GEMIN8: variants seen among roughly 807,000 people sequenced by gnomAD.
GEMIN8 encodes the protein gem-associated protein 8.
For missense variants in GEMIN8, 185 were observed against 205.9 expected (o/e 0.90, Z 0.62); for synonymous variants, 80 against 78.5 (o/e 1.02, Z -0.10).
chrX:14,011,800 G>A (rs1009245772), intron 4 of GEMIN8, among the ~76,000 whole-genome samples: 1 of 110,883 alleles, frequency 9.0e-6, no homozygotes, highest in Non-Finnish European at 1.9e-5. Context: ...ATTCTCTGTC[G>A]GTAGGATGTT....
At chrX:13,986,325 A>G in the GEMIN8 span, among the ~76,000 whole-genome samples, 1 of 112,399 alleles carries the variant, frequency 8.9e-6, no homozygotes, top group East Asian at 2.8e-4. Context: ...TGTGTATCAG[A>G]AAGGATTAGC....
the GEMIN8 span, among the ~76,000 whole-genome samples, chrX:13,998,978 A>C: frequency 1.8e-5 from 2 of 112,281 alleles, no homozygotes; most frequent in African/African-American, 6.5e-5. Context: ...GGCTTTGTAA[A>C]GTCTTTTTTT....
chrX:13,998,571 A>AT, the GEMIN8 span, among the ~76,000 whole-genome samples: 6 of 110,712 alleles, frequency 5.4e-5, no homozygotes, highest in Non-Finnish European at 9.5e-5. Flanking sequence ...AATTAAACAT[A>AT]TTTTTTTTAA....
chrX:14,026,523 C>G (rs908035940), intron 1 of GEMIN8: 15 of 212,495 alleles, frequency 7.1e-5, no homozygotes, highest in Non-Finnish European at 1.0e-4. Flanking sequence ...ATCTGCTCAT[C>G]CTGCAGGATC....
At chrX:14,022,613 A>G (rs1207678487) in intron 2 of GEMIN8, among the ~76,000 whole-genome samples, 1 of 108,043 alleles carries the variant, frequency 9.3e-6, no homozygotes, top group Non-Finnish European at 1.9e-5. Flanking sequence ...TTTTTTTTCT[A>G]TTCAGAGGTT....
chrX:14,002,368 T>G (rs757473499), downstream of GEMIN8, among the ~76,000 whole-genome samples: 44 of 109,840 alleles, frequency 4.0e-4, no homozygotes, highest in African/African-American at 1.4e-3. Flanking sequence ...GATAGATAGA[T>G]AGATAAATAG....
chrX:14,013,807 T>A, intron 4 of GEMIN8: 15 of 141,689 alleles, frequency 1.1e-4, no homozygotes, highest in East Asian at 2.7e-4. Context: ...TTTTTTTTAA[T>A]CCACCCAGGT....
At chrX:13,988,206 G>A in the GEMIN8 span, among the ~76,000 whole-genome samples, 4 of 111,210 alleles carry the variant, frequency 3.6e-5, no homozygotes, top group East Asian at 2.8e-4. Context: ...GGATGCGGGC[G>A]TAGCAATTCT....
In GEMIN8 at chrX:14,020,216, C is replaced by T. The variant is rs761363023; in HGVS notation, c.334G>A (p.Glu112Lys). 8.3e-7 allele frequency: 1 copy of T among 1,210,544 alleles called. No individual in the cohort carries two copies. Among genetic ancestry groups the T allele is most frequent in the Non-Finnish European group, 1.1e-6 (1 of 894,367 alleles). ...YSSRIQASTKEDQALSKEEEM... is the reference protein window; with the variant it reads ...YSSRIQASTKKDQALSKEEEM... ...TCCTCTTTGGACAAAGCTTGGTCTT[C>T]TTTTGTGGATGCCTGGATCCTACTG... Residue 112 changes from glutamate to lysine, a missense_variant, in exon 4 of 5, where the codon GAA becomes AAA. Glu to Lys is a moderately conservative substitution (Grantham distance 56). Transcript: ENST00000680255.
chrX:13,991,060 T>C, the GEMIN8 span, among the ~76,000 whole-genome samples: 1 of 112,740 alleles, frequency 8.9e-6, no homozygotes, highest in African/African-American at 3.2e-5. Context: ...CTTAAAAATA[T>C]ACCTTGGAGA....
chrX:14,029,011 A>G (rs1485590408), intron 1 of GEMIN8, among the ~76,000 whole-genome samples: 1 of 112,197 alleles, frequency 8.9e-6, no homozygotes, highest in African/African-American at 3.2e-5. Context: ...ACAGCTGAAT[A>G]CACAGCCTAG....
intron 4 of GEMIN8, among the ~76,000 whole-genome samples, chrX:14,017,421 C>G (rs769072229): frequency 8.9e-6 from 1 of 112,447 alleles, no homozygotes; most frequent in Admixed American, 9.4e-5. Flanking sequence ...ATGACAAGAA[C>G]TGTGGGTTTA....
intron 4 of GEMIN8, 94 bp from the exon 5 acceptor site, chrX:14,009,263 T>G: frequency 4.5e-6 from 4 of 886,681 alleles, no homozygotes; most frequent in South Asian, 2.3e-5. Flanking sequence ...GGCCATGCCA[T>G]CTGCAGCCCC....
the GEMIN8 span, among the ~76,000 whole-genome samples, chrX:13,999,271 A>ATT: frequency 4.1e-3 from 366 of 88,905 alleles, 5 homozygotes; most frequent in South Asian, 0.031. Context: ...CTGTATGTAG[A>ATT]TTTTTTTTTT....
chrX:14,011,620 C>G (rs1462688007), intron 4 of GEMIN8, among the ~76,000 whole-genome samples: 1 of 104,521 alleles, frequency 9.6e-6, no homozygotes, highest in Non-Finnish European at 1.9e-5. Flanking sequence ...GGGCAGAGCC[C>G]ACAGTCAGAG....
chrX:14,021,631 T>C (rs1186630928), intron 2 of GEMIN8, 120 bp from the exon 3 acceptor site: 2 of 481,496 alleles, frequency 4.2e-6, no homozygotes, highest in African/African-American at 5.0e-5. Context: ...CCATGCCTGA[T>C]TTCATGCAAC....
rs1038658067 is a variant in GEMIN8 at position 14,007,252 on chromosome X, G to C, written c.*1661C>G. Among the ~76,000 whole-genome samples the C allele has an allele frequency of 9.0e-6, 1 of 111,652 alleles. No individual in the cohort carries two copies. Among genetic ancestry groups the C allele is most frequent in the African/African-American group, 3.3e-5 (1 of 30,711 alleles). Reference sequence around the variant, plus strand: ...TCTCAGGGCAGGGGCTGAATGTGAAGCCAACTGTTCTTAGAGAGAAACATG... The same window carrying C: ...TCTCAGGGCAGGGGCTGAATGTGAACCCAACTGTTCTTAGAGAGAAACATG... On this transcript the variant is annotated 3_prime_UTR_variant, in exon 5 of 5. Transcript: ENST00000680255.
At chrX:13,993,437 T>A in the GEMIN8 span, among the ~76,000 whole-genome samples, 1 of 96,934 alleles carries the variant, frequency 1.0e-5, no homozygotes, top group Non-Finnish European at 2.1e-5. Context: ...TTTTGTTGTG[T>A]ATACTTTTTT....
chrX:13,998,605 G>A, the GEMIN8 span, among the ~76,000 whole-genome samples: 87 of 111,071 alleles, frequency 7.8e-4, no homozygotes, highest in Non-Finnish European at 1.6e-3. Flanking sequence ...CCAGTCTCAG[G>A]TATGTCCTTA....
Sources: gnomAD v4.1 joint callset for allele counts (sites outside exome capture counted in the v4.1 genomes callset) on GRCh38, gnomAD v4.1.1 for gene constraint, MANE v1.5 for transcripts, NCBI Gene and HGNC (gene_info 2026-07-23, HGNC 2026-07-21) for gene names.